Variants in PPM1E observed in about 807,000 individuals in gnomAD.
PPM1E encodes the protein protein phosphatase 1E.
In PPM1E, 20 loss-of-function variants were observed where a neutral mutation model predicts 65.9. That is an observed-to-expected ratio of 0.30 (90% CI 0.21 to 0.44). The LOEUF (loss-of-function observed/expected upper bound fraction) is 0.44, where lower values mean the gene tolerates loss of function less well. Among genes scored for constraint, PPM1E ranks in the 20% least tolerant of loss-of-function variants. PPM1E has a pLI of 1.00. For synonymous variants in PPM1E, 352 were observed against 374.9 expected (o/e 0.94, Z 0.70); for missense variants, 713 against 953.1 (o/e 0.75, Z 3.32).
In PPM1E at chr17:58,983,759, C is replaced by A. The variant is rs959609464; in HGVS notation, c.*2728C>A. 1 of 152,596 alleles carries A rather than the reference C, an allele frequency of 6.6e-6. No individual in the cohort carries two copies. The highest frequency in any genetic ancestry group is 2.4e-5 in the African/African-American group (1 of 41,438). The allele number at this position is 152,596 out of a possible 1,614,324, so 9.5% of individuals were successfully genotyped here. A position where few individuals can be genotyped will look rare whatever the true frequency, so the allele number is the denominator to read the frequency against. ...CTCAATCCTTAAAGAGTGGCAGTAT[C>A]CCTTTTTCAATTTAACATGGTCTGC... On this transcript the variant is annotated 3_prime_UTR_variant, in exon 7 of 7. Transcript: ENST00000308249.
chr17:58,853,364 G>A (rs551573765), intron 1 of PPM1E, among the ~76,000 whole-genome samples: 7 of 152,208 alleles, frequency 4.6e-5, no homozygotes, highest in African/African-American at 1.7e-4. Flanking sequence ...TGAAAAGGCT[G>A]TATTTTTCTC....
At chr17:58,875,981 C>G (rs552082470) in intron 1 of PPM1E, among the ~76,000 whole-genome samples, 2 of 152,292 alleles carry the variant, frequency 1.3e-5, no homozygotes, top group South Asian at 4.1e-4. Context: ...TACATCTCTT[C>G]AAAGGATAAA....
At chr17:58,868,550 C>T (rs2051032297) in intron 1 of PPM1E, among the ~76,000 whole-genome samples, 1 of 139,800 alleles carries the variant, frequency 7.2e-6, no homozygotes, top group African/African-American at 2.6e-5. Flanking sequence ...TTCTACAATC[C>T]TTTTTGAAAT....
intron 1 of PPM1E, among the ~76,000 whole-genome samples, chr17:58,760,122 A>G (rs2049807910): frequency 1.3e-5 from 2 of 152,134 alleles, no homozygotes; most frequent in African/African-American, 4.8e-5. Context: ...TGAGCTTTTA[A>G]TATTCTGCCT....
chr17:58,860,104 A>G (rs1423751847), intron 1 of PPM1E, among the ~76,000 whole-genome samples: 1 of 152,196 alleles, frequency 6.6e-6, no homozygotes, highest in Non-Finnish European at 1.5e-5. Context: ...ATGCCAAATG[A>G]CATCCTCAAT....
chr17:58,864,048 C>T (rs2050972737), intron 1 of PPM1E, among the ~76,000 whole-genome samples: 1 of 150,824 alleles, frequency 6.6e-6, no homozygotes, highest in Admixed American at 6.7e-5. Context: ...GGACCCCGCC[C>T]TTCTATCTAG....
chr17:58,784,187 T>A (rs952762392), intron 1 of PPM1E, among the ~76,000 whole-genome samples: 5 of 151,704 alleles, frequency 3.3e-5, no homozygotes, highest in African/African-American at 1.2e-4. Context: ...CACACCCAGC[T>A]AATTTTTTGT....
At chr17:58,972,101 C>T (rs1227769651) in intron 4 of PPM1E, 31 bp from the exon 5 acceptor site, 6 of 1,585,830 alleles carry the variant, frequency 3.8e-6, no homozygotes, top group Non-Finnish European at 4.3e-6. Flanking sequence ...TTTCTTTTCA[C>T]TGAGTCTAGT....
At position 58,756,181 on chromosome 17, in the gene PPM1E, T is replaced by C; in HGVS notation, c.184T>C (p.Ser62Pro). The C allele has an allele frequency of 6.4e-7, 1 of 1,570,028 alleles. No homozygotes were observed. Among genetic ancestry groups the C allele is most frequent in the Non-Finnish European group, 8.6e-7 (1 of 1,157,438 alleles). Reference protein sequence around the residue: ...ELVEAEAAEASVEEPGEEAAT... With the variant: ...ELVEAEAAEAPVEEPGEEAAT... ...GGTAGAAGCTGAGGCGGCCGAGGCTTCGGTAGAGGAACCCGGGGAGGAGGC... is the reference window on the plus strand; with the variant it reads ...GGTAGAAGCTGAGGCGGCCGAGGCTCCGGTAGAGGAACCCGGGGAGGAGGC... Residue 62 changes from serine (S) to proline (P), a missense_variant, in exon 1 of 7, where the codon TCG (serine) becomes CCG (proline). Physicochemically the swap from Ser to Pro is moderately conservative, Grantham distance 74 (BLOSUM62 -1). Transcript: ENST00000308249.
rs568609798 is a variant in PPM1E, at chr17:58,890,416, C to T, written c.465-65233C>T. 3.3e-3 allele frequency among the ~76,000 whole-genome samples: 507 copies of T among 152,186 alleles called. 5 individuals are homozygous for T. The highest frequency in any genetic ancestry group is 0.011 in the African/African-American group (466 of 41,528). On this transcript the variant is annotated intron_variant, in intron 1 of 6. Coordinates refer to ENST00000308249, the MANE Select transcript of PPM1E (RefSeq NM_014906.5). ...AGCGTGAAAGAGACTGAGAAAAGGA[C>T]GCTGTGAGAGCTAAAACAAGAAGGC...
intron 1 of PPM1E, among the ~76,000 whole-genome samples, chr17:58,886,488 G>C (rs1157348876): frequency 5.3e-5 from 8 of 152,104 alleles, no homozygotes; most frequent in African/African-American, 1.9e-4. Context: ...CATAGCCGGG[G>C]CAGGTTCCTT....
At chr17:58,769,089 A>C (rs2049910768) in intron 1 of PPM1E, among the ~76,000 whole-genome samples, 1 of 152,152 alleles carries the variant, frequency 6.6e-6, no homozygotes, top group Admixed American at 6.6e-5. Flanking sequence ...AAAAAAATGC[A>C]TTATTTTTCA....
chr17:58,972,028 T>C (rs2030665279), intron 4 of PPM1E, 104 bp from the exon 5 acceptor site: 4 of 1,065,312 alleles, frequency 3.8e-6, no homozygotes, highest in East Asian at 2.5e-5. Flanking sequence ...CCATTATTAA[T>C]AGTATAGCTC....
chr17:58,831,200 TG>T (rs758544031), intron 1 of PPM1E, among the ~76,000 whole-genome samples: 7 of 151,762 alleles, frequency 4.6e-5, no homozygotes, highest in South Asian at 2.1e-4. Context: ...TTAGTAGAGA[TG>T]GGGTTTCACT....
intron 1 of PPM1E, among the ~76,000 whole-genome samples, chr17:58,925,545 A>G (rs2051813919): frequency 6.6e-6 from 1 of 151,902 alleles, no homozygotes; most frequent in South Asian, 2.1e-4. Context: ...GGTTCATGCC[A>G]TTCTCCTGCC....
chr17:58,838,807 A>C (rs1457994715), intron 1 of PPM1E, among the ~76,000 whole-genome samples: 1 of 152,224 alleles, frequency 6.6e-6, no homozygotes, highest in Non-Finnish European at 1.5e-5. Context: ...ATGGATAACC[A>C]AACTATTGTG....
At chr17:58,924,291 G>A (rs992546898) in intron 1 of PPM1E, among the ~76,000 whole-genome samples, 6 of 152,002 alleles carry the variant, frequency 3.9e-5, no homozygotes, top group Admixed American at 6.6e-5. Context: ...ACAAAGGGAA[G>A]GAGGGAGGGA....
At chr17:58,847,329 T>A (rs367874881) in intron 1 of PPM1E, among the ~76,000 whole-genome samples, 1 of 152,210 alleles carries the variant, frequency 6.6e-6, no homozygotes, top group Non-Finnish European at 1.5e-5. Context: ...GGTGTTTTAG[T>A]CATGAAGTCC....
chr17:58,850,170 C>G (rs2050811847), intron 1 of PPM1E, among the ~76,000 whole-genome samples: 1 of 151,846 alleles, frequency 6.6e-6, no homozygotes, highest in African/African-American at 2.4e-5. Context: ...CTATGTGTGT[C>G]TCTGCATGTG....
Sources: allele counts gnomAD v4.1 joint callset (sites outside exome capture counted in the v4.1 genomes callset), GRCh38; gene constraint gnomAD v4.1.1; transcripts MANE v1.5; gene names NCBI Gene and HGNC (gene_info 2026-07-23, HGNC 2026-07-21).